The following RP1 variants were observed in gnomAD, a reference collection of about 807,000 sequenced individuals.
RP1 encodes RP1 axonemal microtubule associated.
A neutral mutation model predicts 14.8 loss-of-function variants in RP1; 16 were observed. The observed-to-expected ratio is 1.08, with a 90% CI of 0.73 to 1.65. The LOEUF is 1.65. Ranked by LOEUF, RP1 falls within the 40% of genes most tolerant of loss-of-function variation. The pLI is 0.00. For synonymous variants in RP1, 876 were observed against 883.6 expected, an observed-to-expected ratio of 0.99 and a Z score of 0.15; for missense variants, 2,631 against 2,535.0, an observed-to-expected ratio of 1.04 and a Z score of -0.81.
intron 19 of RP1, among the ~76,000 whole-genome samples, chr8:54,747,349 C>G (rs1809251020): frequency 6.6e-6 from 1 of 152,206 alleles, no homozygotes; most frequent in Non-Finnish European, 1.5e-5. Flanking sequence ...GCTATACAAT[C>G]TAAAGGGAGC....
At position 54,626,583 on chromosome 8, in the gene RP1, C is replaced by T. The variant is rs1292263188; in HGVS notation, c.2701C>T (p.Pro901Ser). ...AAATTCTTTAGCTTCTTTGAAAAAA[C>T]CTGATTTTCCTGAGGCTATTGCTCA... is the stretch of plus-strand genomic sequence containing the variant. ...RANSLASLKK[P>S]DFPEAIAHHS... Residue 901 changes from proline (P) to serine (S), a missense_variant, in exon 4 of 4, where the codon CCT (proline) becomes TCT (serine). Physicochemically the swap from Pro to Ser is moderately conservative, Grantham distance 74. Transcript: ENST00000220676. 6.2e-7 allele frequency: 1 copy of T among 1,613,340 alleles called. No individual in the cohort carries two copies. Among genetic ancestry groups the T allele is most frequent in the Non-Finnish European group, 8.5e-7 (1 of 1,179,826 alleles).
At chr8:54,739,546 T>C (rs1245216610) in intron 19 of RP1, among the ~76,000 whole-genome samples, 1 of 152,186 alleles carries the variant, frequency 6.6e-6, no homozygotes, top group African/African-American at 2.4e-5. Context: ...AATCTGTTCA[T>C]AGAAATCTGA....
At position 54,869,764 on chromosome 8, in the gene RP1, G is replaced by GT. The variant is rs911288868; in HGVS notation, c.4152-70dup. The GT allele has an allele frequency of 3.0e-3, 1,509 of 498,718 alleles. 3 individuals carry two copies. The highest frequency in any genetic ancestry group is 5.6e-3 in the East Asian group (154 of 27,664). 30.9% of individuals were successfully genotyped at this position (498,718 alleles called of 1,614,324 possible). ...AGGCCTCTTTAAATTCTTTCCATAT[G>GT]TTTTTTTTTCCTTTCTAACTAATGA... On this transcript the variant is annotated intron_variant, in intron 28 of 28. Coordinates refer to the RP1 transcript ENST00000637698.
chr8:54,869,546 C>T (rs1812533727), intron 28 of RP1, among the ~76,000 whole-genome samples: 2 of 152,116 alleles, frequency 1.3e-5, no homozygotes, highest in Admixed American at 6.5e-5. Flanking sequence ...AAGGAAACTC[C>T]AAGTGAGAAA....
chr8:54,630,431 G>T lies in RP1; in HGVS notation c.*78G>T, dbSNP rs551504653. Reference sequence around the variant, plus strand: ...AAGCACATGTGACGAATACGGACTAGATAACCTCTAAGAATTTTCCACTTC... The same window carrying T: ...AAGCACATGTGACGAATACGGACTATATAACCTCTAAGAATTTTCCACTTC... On this transcript the variant is annotated 3_prime_UTR_variant, in exon 4 of 4. Coordinates refer to ENST00000220676, the MANE Select transcript of RP1 (RefSeq NM_006269.2). 40 of 1,576,110 alleles carry T rather than the reference G, an allele frequency of 2.5e-5. No homozygotes were observed. The Middle Eastern group carries it at 5.7e-4, about 22-fold the overall frequency.
intron 1 of RP1, among the ~76,000 whole-genome samples, chr8:54,586,370 A>G (rs908528269): frequency 5.9e-5 from 9 of 152,198 alleles, no homozygotes; most frequent in Non-Finnish European, 1.3e-4. Context: ...TTTGTCTCAG[A>G]GGAGTACCAG....
chr8:54,828,281 T>G (rs1394242621), intron 24 of RP1, among the ~76,000 whole-genome samples: 1 of 152,214 alleles, frequency 6.6e-6, no homozygotes, highest in African/African-American at 2.4e-5. Context: ...CCACCAAGCC[T>G]CCTGTTGAAA....
At chr8:54,633,996 C>T (rs574484502), downstream of RP1, among the ~76,000 whole-genome samples, 1 of 152,140 alleles carries the variant, frequency 6.6e-6, no homozygotes, top group South Asian at 2.1e-4. Flanking sequence ...ATTCGATTCT[C>T]ATAAAAAGTC....
At chr8:54,593,774 T>G (rs1302811310) in intron 1 of RP1, among the ~76,000 whole-genome samples, 5 of 152,220 alleles carry the variant, frequency 3.3e-5, no homozygotes, top group Admixed American at 1.3e-4. Flanking sequence ...GTGGAACTCA[T>G]ATCAGGCACA....
intron 27 of RP1, among the ~76,000 whole-genome samples, chr8:54,862,507 A>G (rs567314497): frequency 6.2e-4 from 95 of 152,240 alleles, no homozygotes; most frequent in African/African-American, 2.3e-3. Context: ...TTTAGGGTAA[A>G]GGTAAAGGTC....
chr8:54,842,233 G>A (rs548805299), intron 25 of RP1, among the ~76,000 whole-genome samples: 12 of 152,166 alleles, frequency 7.9e-5, no homozygotes, highest in African/African-American at 2.9e-4. Context: ...AGCATCTGGC[G>A]GCAAATCTAG....
At chr8:54,734,614 C>T in exon 18 of RP1, 5 of 1,535,702 alleles carry the variant, frequency 3.3e-6, no homozygotes, top group Non-Finnish European at 4.4e-6. Context: ...TTAGTGCTGA[C>T]AGGAAATACA....
At chr8:54,802,517 G>T (rs1287294228) in intron 24 of RP1, among the ~76,000 whole-genome samples, 1 of 152,194 alleles carries the variant, frequency 6.6e-6, no homozygotes, top group Non-Finnish European at 1.5e-5. Flanking sequence ...TCTTAGGAAA[G>T]ATATGATGAA....
At chr8:54,619,147 C>G (rs1805797456) in intron 1 of RP1, among the ~76,000 whole-genome samples, 2 of 152,146 alleles carry the variant, frequency 1.3e-5, no homozygotes, top group Admixed American at 1.3e-4. Flanking sequence ...GCTACAGCTG[C>G]TATTTTTTTG....
At chr8:54,709,144 C>T (rs1475176671) in intron 15 of RP1, among the ~76,000 whole-genome samples, 1 of 152,164 alleles carries the variant, frequency 6.6e-6, no homozygotes, top group African/African-American at 2.4e-5. Context: ...GATGGAGAAA[C>T]TGGTTTTCCC....
intron 1 of RP1, among the ~76,000 whole-genome samples, chr8:54,600,484 G>C (rs1295661875): frequency 6.6e-6 from 1 of 152,100 alleles, no homozygotes; most frequent in Non-Finnish European, 1.5e-5. Context: ...ACTGCTAAAT[G>C]GTGGTGAAAG....
intron 1 of RP1, among the ~76,000 whole-genome samples, chr8:54,571,421 A>C (rs1484480154): frequency 6.6e-6 from 1 of 152,160 alleles, no homozygotes; most frequent in Non-Finnish European, 1.5e-5. Context: ...TGCTTAATGA[A>C]TAGGTTTCTT....
exon 5 of RP1, chr8:54,652,798 G>A (rs745764641): frequency 2.6e-6 from 4 of 1,535,716 alleles, no homozygotes; most frequent in Non-Finnish European, 3.5e-6. Context: ...TGGAGACATT[G>A]GAGCACTCTT....
chr8:54,597,932 C>T (rs1805185713), intron 1 of RP1, among the ~76,000 whole-genome samples: 2 of 151,872 alleles, frequency 1.3e-5, no homozygotes, highest in South Asian at 4.2e-4. Flanking sequence ...ACATCTGTAA[C>T]CACCACCACA....
Sources: allele counts gnomAD v4.1 joint callset (sites outside exome capture counted in the v4.1 genomes callset), GRCh38; gene constraint gnomAD v4.1.1; transcripts MANE v1.5; gene names NCBI Gene and HGNC (gene_info 2026-07-23, HGNC 2026-07-21).